PARD3B: variants seen among roughly 807,000 people sequenced by gnomAD.
PARD3B encodes the protein par-3 family cell polarity regulator beta.
Under a neutral mutation model 130.2 loss-of-function variants are expected in PARD3B, and 103 were observed. The ratio of observed to expected loss-of-function variants is 0.79; its 90% confidence interval spans 0.67 to 0.93. The LOEUF (loss-of-function observed/expected upper bound fraction) is 0.93, where lower values mean the gene tolerates loss of function less well. Among genes scored for constraint, PARD3B ranks in the 40% least tolerant of loss-of-function variants. The pLI is 0.00. For missense variants in PARD3B, 1,609 were observed against 1,499.2 expected (o/e 1.07, Z -1.21); for synonymous variants, 583 against 553.2 (o/e 1.05, Z -0.76).
intron 15 of PARD3B, among the ~76,000 whole-genome samples, chr2:205,198,814 A>G (rs1341289341): frequency 2.0e-5 from 3 of 151,890 alleles, no homozygotes; most frequent in Non-Finnish European, 4.4e-5. Context: ...ATAAAATTGT[A>G]TATTCTAATA....
chr2:205,489,290 T>C (rs2049573115), intron 20 of PARD3B, among the ~76,000 whole-genome samples: 1 of 151,884 alleles, frequency 6.6e-6, no homozygotes, highest in Admixed American at 6.6e-5. Flanking sequence ...TTTGTGTAAA[T>C]TACTTAAGGC....
At chr2:204,840,591 A>C (rs983735351) in intron 2 of PARD3B, among the ~76,000 whole-genome samples, 2 of 152,046 alleles carry the variant, frequency 1.3e-5, no homozygotes, top group East Asian at 1.9e-4. Context: ...TAGAACTGGA[A>C]CAACTTGCAC....
At chr2:204,772,238 A>G (rs1181310225) in intron 2 of PARD3B, among the ~76,000 whole-genome samples, 1 of 152,122 alleles carries the variant, frequency 6.6e-6, no homozygotes, top group African/African-American at 2.4e-5. Flanking sequence ...ACAAGGCAGA[A>G]GACGTAACAT....
At chr2:204,563,755 T>C (rs755703509) in intron 1 of PARD3B, among the ~76,000 whole-genome samples, 2 of 152,146 alleles carry the variant, frequency 1.3e-5, no homozygotes, top group Non-Finnish European at 2.9e-5. Flanking sequence ...CTATCTCATG[T>C]CACATCCTTT....
chr2:204,940,735 C>A (rs576146169), intron 2 of PARD3B, among the ~76,000 whole-genome samples: 1 of 152,178 alleles, frequency 6.6e-6, no homozygotes, highest in East Asian at 1.9e-4. Context: ...AAAATTAGAG[C>A]TTAGGTCTGA....
intron 2 of PARD3B, among the ~76,000 whole-genome samples, chr2:204,723,343 A>T (rs2039079322): frequency 6.6e-6 from 1 of 152,144 alleles, no homozygotes; most frequent in Non-Finnish European, 1.5e-5. Context: ...TAATACATAT[A>T]TTTTGTATGT....
chr2:205,356,783 T>C (rs11676344), intron 18 of PARD3B, among the ~76,000 whole-genome samples: 91,149 of 151,206 alleles, frequency 0.6, 30,607 homozygotes, highest in South Asian at 0.77. Flanking sequence ...CCCAGCTACT[T>C]GGGAGGCTAA....
rs572223640 is a variant in PARD3B at position 205,330,904 on chromosome 2, G to C, written c.2630+29203G>C. On this transcript the variant is annotated intron_variant, in intron 18 of 22. Transcript: ENST00000406610. Reference sequence around the variant, plus strand: ...AGTCGTTTCTCCTAAAGCAGACATAGTTTTATTGAGGGCCATTCATGGGCA... The same window carrying C: ...AGTCGTTTCTCCTAAAGCAGACATACTTTTATTGAGGGCCATTCATGGGCA... Among the ~76,000 whole-genome samples the C allele has an allele frequency of 5.9e-5, 9 of 152,308 alleles. No homozygotes were observed. In the South Asian group the frequency reaches 1.9e-3, roughly 32 times the overall value.
At chr2:204,567,733 G>T (rs1197372612) in intron 1 of PARD3B, among the ~76,000 whole-genome samples, 2 of 152,178 alleles carry the variant, frequency 1.3e-5, no homozygotes, top group Admixed American at 6.5e-5. Flanking sequence ...ATACCCAGAA[G>T]TAGAATTGCT....
At chr2:205,190,647 CTT>C (rs1186704455) in intron 14 of PARD3B, among the ~76,000 whole-genome samples, 1 of 152,178 alleles carries the variant, frequency 6.6e-6, no homozygotes, top group Non-Finnish European at 1.5e-5. Context: ...CAACTCTCCT[CTT>C]TGAGCCTCAG....
At chr2:204,933,214 T>G (rs987224949) in intron 2 of PARD3B, among the ~76,000 whole-genome samples, 1 of 152,180 alleles carries the variant, frequency 6.6e-6, no homozygotes, top group Non-Finnish European at 1.5e-5. Context: ...AAAATTACTT[T>G]ACAAGCTTTA....
intron 1 of PARD3B, among the ~76,000 whole-genome samples, chr2:204,637,735 T>A (rs1188113283): frequency 6.6e-6 from 1 of 151,990 alleles, no homozygotes; most frequent in East Asian, 1.9e-4. Flanking sequence ...TACAGCTTTT[T>A]TTTTTTTCCC....
intron 2 of PARD3B, among the ~76,000 whole-genome samples, chr2:204,941,344 A>G (rs957007108): frequency 2.0e-5 from 3 of 152,220 alleles, no homozygotes; most frequent in African/African-American, 7.2e-5. Context: ...ACTGCACTCC[A>G]GCCTGGGCGA....
In PARD3B at chr2:205,292,516, C is replaced by T. The variant is rs1016968261; in HGVS notation, c.2186-8014C>T. On this transcript the variant is annotated intron_variant, in intron 16 of 22. Transcript: ENST00000406610. This position sits in a 1 kb window ranked among gnomAD's most constrained non-coding sequence, Gnocchi z 5.3. ...GCTATAAATCTTGAAACACAGGAAT[C>T]ATACTCAGGGTGGTGAGATGCTCAG... Among the ~76,000 whole-genome samples the T allele has an allele frequency of 6.6e-6, 1 of 152,142 alleles. No homozygotes were observed. Among genetic ancestry groups the T allele is most frequent in the African/African-American group, 2.4e-5 (1 of 41,430 alleles).
intron 22 of PARD3B, among the ~76,000 whole-genome samples, chr2:205,608,337 A>G (rs2055094873): frequency 6.6e-6 from 1 of 152,168 alleles, no homozygotes; most frequent in South Asian, 2.1e-4. Context: ...TTAGATACTG[A>G]AATTCTAGGA....
At chr2:204,665,990 C>T (rs1451448137) in intron 1 of PARD3B, among the ~76,000 whole-genome samples, 1 of 152,128 alleles carries the variant, frequency 6.6e-6, no homozygotes, top group African/African-American at 2.4e-5. Context: ...AATTTTCCTT[C>T]TTGAACTTAC....
In PARD3B at chr2:205,473,711, C is replaced by T. The variant is rs1395084877; in HGVS notation, c.3045-26185C>T. On this transcript the variant is annotated intron_variant, in intron 20 of 22. Coordinates refer to ENST00000406610, the MANE Select transcript of PARD3B (RefSeq NM_001302769.2). The surrounding 1 kb of genome is among the most constrained non-coding windows in gnomAD (Gnocchi z 4.9). ...ATATATATATATATATATATATATA[C>T]ACACACACGTATATAAAACCCTAAA... Among the ~76,000 whole-genome samples the T allele has an allele frequency of 8.9e-3, 878 of 99,008 alleles. 7 individuals carry two copies. The highest frequency in any genetic ancestry group is 0.048 in the African/African-American group (793 of 16,426). 65.0% of individuals were successfully genotyped at this position (99,008 alleles called of 152,430 possible).
intron 15 of PARD3B, among the ~76,000 whole-genome samples, chr2:205,198,436 C>T (rs936103984): frequency 4.6e-5 from 7 of 152,156 alleles, no homozygotes; most frequent in East Asian, 1.9e-4. Context: ...AAAATCAAGA[C>T]GATAAATAGG....
intron 18 of PARD3B, among the ~76,000 whole-genome samples, chr2:205,377,303 TA>T (rs1345022641): frequency 6.6e-6 from 1 of 152,186 alleles, no homozygotes; most frequent in African/African-American, 2.4e-5. Flanking sequence ...GAGTTCATGG[TA>T]AAATACAGAT....
Sources: gnomAD v4.1 joint callset for allele counts (sites outside exome capture counted in the v4.1 genomes callset) on GRCh38, gnomAD v4.1.1 for gene constraint, Gnocchi (gnomAD v3.1) non-coding constraint, MANE v1.5 for transcripts, NCBI Gene and HGNC (gene_info 2026-07-23, HGNC 2026-07-21) for gene names.